RB1CC1: variants seen among roughly 807,000 people sequenced by gnomAD.
RB1CC1 encodes the protein RB1-inducible coiled-coil protein 1.
In RB1CC1, 46 loss-of-function variants were observed where a neutral mutation model predicts 177.5. The ratio of observed to expected loss-of-function variants is 0.26; its 90% CI spans 0.20 to 0.33. The LOEUF is 0.33. RB1CC1 is among the 10% of genes least tolerant of loss of function. The probability of loss-of-function intolerance (pLI) is 1.00; values close to 1 mark genes in which losing one functional copy is unlikely to be tolerated. For missense variants in RB1CC1, 1,703 were observed against 1,816.3 expected (o/e 0.94, Z 1.13); for synonymous variants, 666 against 613.6 (o/e 1.09, Z -1.26).
At chr8:52,639,690 A>G (rs1849416256) in intron 18 of RB1CC1, among the ~76,000 whole-genome samples, 1 of 152,186 alleles carries the variant, frequency 6.6e-6, no homozygotes, top group African/African-American at 2.4e-5. Context: ...GCACTGCATT[A>G]TATCAATTGT....
chr8:52,668,030 C>T lies in RB1CC1; in HGVS notation c.1164G>A (p.Glu388=), dbSNP rs1591028360. Residue 388 remains glutamate, a synonymous_variant, in exon 8 of 24, where the codon GAG becomes GAA. Coordinates refer to ENST00000025008, the MANE Select transcript of RB1CC1 (RefSeq NM_014781.5). ...AGTCTAAAATAGGTACCTGAGCAAG[C>T]TCTTTCTGTTCATTCACCAGTCGGC... ...SCGRLVNEQK[E]LAQGFLANQK... 6.2e-7 allele frequency: 1 copy of T among 1,612,926 alleles called. No individual in the cohort carries two copies. Among genetic ancestry groups the T allele is most frequent in the South Asian group, 1.1e-5 (1 of 90,876 alleles).
chr8:52,665,668 T>C (rs1041931658), intron 8 of RB1CC1, among the ~76,000 whole-genome samples: 3 of 152,188 alleles, frequency 2.0e-5, no homozygotes, highest in Non-Finnish European at 2.9e-5. Context: ...TCTCTAGTAA[T>C]GGTAGCCTGT....
intron 21 of RB1CC1, among the ~76,000 whole-genome samples, chr8:52,629,073 T>C (rs1848585738): frequency 6.6e-6 from 1 of 152,148 alleles, no homozygotes; most frequent in Admixed American, 6.6e-5. Flanking sequence ...TGAAAGAACA[T>C]TAATGAACGG....
chr8:52,628,216 C>A, intron 21 of RB1CC1, 48 bp from the exon 22 acceptor site: 1 of 1,552,208 alleles, frequency 6.4e-7, no homozygotes, highest in Non-Finnish European at 8.8e-7. Flanking sequence ...CTTTCAATCC[C>A]CCTATTCTGA....
At chr8:52,652,049 A>G (rs1400509401) in intron 15 of RB1CC1, among the ~76,000 whole-genome samples, 1 of 152,248 alleles carries the variant, frequency 6.6e-6, no homozygotes, top group Non-Finnish European at 1.5e-5. Flanking sequence ...TTCCTTTTCC[A>G]ATTGCATTCA....
intron 16 of RB1CC1, 60 bp downstream of exon 16, chr8:52,645,642 T>C: frequency 6.6e-7 from 1 of 1,511,958 alleles, no homozygotes; most frequent in South Asian, 1.2e-5. Flanking sequence ...AGAAATTATA[T>C]TTGTTAATTT....
intron 8 of RB1CC1, among the ~76,000 whole-genome samples, chr8:52,662,742 TG>T (rs1238930000): frequency 6.6e-6 from 1 of 152,106 alleles, no homozygotes; most frequent in Admixed American, 6.5e-5. Context: ...GAAGTCAAAC[TG>T]GTTCAATATC....
intron 18 of RB1CC1, among the ~76,000 whole-genome samples, chr8:52,640,618 T>C (rs1849494267): frequency 6.6e-6 from 1 of 152,198 alleles, no homozygotes; most frequent in South Asian, 2.1e-4. Flanking sequence ...TGGCTCTAGG[T>C]ACCTCTCCTA....
At chr8:52,688,085 G>A (rs1854444408) in intron 1 of RB1CC1, among the ~76,000 whole-genome samples, 2 of 152,168 alleles carry the variant, frequency 1.3e-5, no homozygotes, top group Non-Finnish European at 2.9e-5. Flanking sequence ...GAGGATGTAC[G>A]TCATCTTAGG....
At chr8:52,640,365 A>G (rs1849465591) in intron 18 of RB1CC1, among the ~76,000 whole-genome samples, 1 of 152,208 alleles carries the variant, frequency 6.6e-6, no homozygotes, top group African/African-American at 2.4e-5. Flanking sequence ...ATAGCTAGAA[A>G]AGAGCATTTT....
intron 19 of RB1CC1, among the ~76,000 whole-genome samples, chr8:52,635,171 T>G (rs1849039615): frequency 6.6e-6 from 1 of 152,172 alleles, no homozygotes; most frequent in Non-Finnish European, 1.5e-5. Flanking sequence ...TTAGATACAT[T>G]TACCAAGGAC....
intron 1 of RB1CC1, among the ~76,000 whole-genome samples, chr8:52,713,286 A>C (rs1164115613): frequency 6.6e-6 from 1 of 152,202 alleles, no homozygotes; most frequent in African/African-American, 2.4e-5. Flanking sequence ...ACCACACTTT[A>C]AAGAGTCATG....
chr8:52,709,000 G>A (rs543912774), intron 1 of RB1CC1, among the ~76,000 whole-genome samples: 3 of 152,106 alleles, frequency 2.0e-5, no homozygotes, highest in Admixed American at 6.5e-5. Flanking sequence ...CTGAGGTCGC[G>A]AGTTTGAGAC....
intron 20 of RB1CC1, among the ~76,000 whole-genome samples, chr8:52,634,479 T>A (rs1308714580): frequency 6.6e-6 from 1 of 150,680 alleles, no homozygotes; most frequent in Non-Finnish European, 1.5e-5. Flanking sequence ...TGAGTCGAGA[T>A]CACACCACTC....
intron 15 of RB1CC1, 119 bp from the exon 16 acceptor site, chr8:52,645,986 T>C (rs570153345): frequency 3.1e-6 from 3 of 960,874 alleles, no homozygotes; most frequent in South Asian, 3.1e-5. Flanking sequence ...GAAAGATATC[T>C]GTGTGAACCC....
chr8:52,696,302 A>T (rs1468816292), intron 1 of RB1CC1, among the ~76,000 whole-genome samples: 1 of 151,868 alleles, frequency 6.6e-6, no homozygotes, highest in African/African-American at 2.4e-5. Context: ...TCGGCCTCCC[A>T]AAGTGCTGGG....
In RB1CC1 at chr8:52,645,711, C is replaced by A. The variant is rs749367208; in HGVS notation, c.3978G>T (p.Ala1326=). The stretch of plus-strand genomic sequence containing the variant: ...GAAAAGAGATACAGACCTGTTGTTC[C>A]GCAATCAAAGATGTTCGAACATTTT... ...EMQNVRTSLI[A]EQQTNFNTVL... Residue 1326 remains alanine, a synonymous_variant, in exon 16 of 24, where the codon GCG becomes GCT. Coordinates refer to ENST00000025008, the MANE Select transcript of RB1CC1 (RefSeq NM_014781.5). 1 of 1,612,264 alleles carries A rather than the reference C, an allele frequency of 6.2e-7. No individual in the cohort carries two copies. The highest frequency in any genetic ancestry group is 1.7e-5 in the Admixed American group (1 of 59,792).
chr8:52,660,792 A>G (rs1851546015), intron 11 of RB1CC1, 134 bp downstream of exon 11: 2 of 1,084,398 alleles, frequency 1.8e-6, no homozygotes, highest in African/African-American at 1.6e-5. Flanking sequence ...TCAATTCTAT[A>G]CACTTTAAAA....
intron 7 of RB1CC1, among the ~76,000 whole-genome samples, 200 bp downstream of exon 7, chr8:52,673,645 A>C (rs1852803864): frequency 6.6e-6 from 1 of 152,174 alleles, no homozygotes; most frequent in South Asian, 2.1e-4. Context: ...TATTAATCTC[A>C]AATAACCTTC....
Sources: gnomAD v4.1 joint callset for allele counts (sites outside exome capture counted in the v4.1 genomes callset) on GRCh38, gnomAD v4.1.1 for gene constraint, MANE v1.5 for transcripts, NCBI Gene and HGNC (gene_info 2026-07-23, HGNC 2026-07-21) for gene names.